Variants in SEZ6 observed in about 807,000 individuals in gnomAD.
SEZ6 encodes seizure related 6 homolog.
In SEZ6, 53 loss-of-function variants were observed where a neutral mutation model predicts 101.0. That is an observed-to-expected ratio of 0.52 (90% CI 0.42 to 0.66). SEZ6 has a LOEUF of 0.66. SEZ6 is among the 30% of genes least tolerant of loss of function. SEZ6 has a pLI of 0.00. For missense variants in SEZ6, 1,102 were observed against 1,289.4 expected, an observed-to-expected ratio of 0.85 and a Z score of 2.23; for synonymous variants, 488 against 512.2, an observed-to-expected ratio of 0.95 and a Z score of 0.64.
At chr17:28,998,802 C>T (rs1038740029) in intron 1 of SEZ6, among the ~76,000 whole-genome samples, 1 of 152,104 alleles carries the variant, frequency 6.6e-6, no homozygotes, top group Admixed American at 6.5e-5. Flanking sequence ...CTTGCTGGGT[C>T]GTCACAGACC....
At chr17:28,968,547 A>G (rs1368206376) in intron 4 of SEZ6, among the ~76,000 whole-genome samples, 1 of 152,202 alleles carries the variant, frequency 6.6e-6, no homozygotes, top group African/African-American at 2.4e-5. Context: ...TGGGCCGCCT[A>G]GACGTTTCAC....
Position 28,969,855 on chromosome 17 carries a change from C to A in SEZ6, c.956G>T (p.Arg319Leu). The change falls in exon 4 of 17, where the codon CGG becomes CTG. Residue 319 changes from arginine to leucine, a missense_variant. Arg to Leu is a moderately radical substitution (Grantham distance 102, BLOSUM62 -2). This residue lies in a region of SEZ6 where 406 missense variants were observed against 418.6 expected (regional missense o/e 0.97). Transcript: ENST00000317338. ...LPLANQSFLL[R>L]GQVIRSPTHQ... The stretch of plus-strand genomic sequence containing the variant: ...GGTGGGGCTGCGGATGACTTGGCCC[C>A]GCAGCAGGAAAGACTGGTTGGCCAG... 1 of 1,534,408 alleles carries A rather than the reference C, an allele frequency of 6.5e-7. No individual in the cohort carries two copies.
intron 4 of SEZ6, among the ~76,000 whole-genome samples, chr17:28,968,129 C>T (rs1366448895): frequency 6.6e-6 from 1 of 152,162 alleles, no homozygotes; most frequent in African/African-American, 2.4e-5. Context: ...GTACTAGGCC[C>T]CTCACCCCCT....
chr17:28,957,087 G>T lies in SEZ6; in HGVS notation c.2650C>A (p.His884Asn), dbSNP rs768340145. ...GQASIKCVPG[H>N]PSHWSDPPPI... ...GGGGGGTCACTCCAATGCGAGGGGT[G>T]CCCAGGCACACACTTGATGCTGGCC... The change falls in exon 13 of 17, where the codon CAC becomes AAC. Residue 884 changes from histidine to asparagine, a missense_variant. Coordinates refer to ENST00000317338, the MANE Select transcript of SEZ6 (RefSeq NM_178860.5). 23 of 1,609,772 alleles carry T rather than the reference G, an allele frequency of 1.4e-5. No individual in the cohort carries two copies. In the South Asian group the frequency reaches 2.3e-4, roughly 16 times the overall value.
At chr17:28,965,225 G>A (rs2041046268) in intron 4 of SEZ6, among the ~76,000 whole-genome samples, 1 of 151,832 alleles carries the variant, frequency 6.6e-6, no homozygotes, top group African/African-American at 2.4e-5. Context: ...GATGGCAGGC[G>A]CCTGTAATCC....
At chr17:28,971,170 C>T (rs566474255) in intron 3 of SEZ6, among the ~76,000 whole-genome samples, 1 of 152,236 alleles carries the variant, frequency 6.6e-6, no homozygotes, top group Non-Finnish European at 1.5e-5. Context: ...ACCATGTGAT[C>T]TTGGACAAAT....
At chr17:28,965,876 C>T (rs945988108) in intron 4 of SEZ6, among the ~76,000 whole-genome samples, 2 of 152,104 alleles carry the variant, frequency 1.3e-5, no homozygotes, top group African/African-American at 4.8e-5. Context: ...CAGTGGCTCA[C>T]GCCTGTAATC....
intron 10 of SEZ6, 36 bp downstream of exon 10, chr17:28,958,989 C>A: frequency 6.3e-7 from 1 of 1,575,726 alleles, no homozygotes; most frequent in South Asian, 1.2e-5. Context: ...CCATGGCTTG[C>A]TGTCTGCACT....
intron 1 of SEZ6, among the ~76,000 whole-genome samples, chr17:28,997,878 C>A (rs2041563170): frequency 6.6e-6 from 1 of 152,172 alleles, no homozygotes; most frequent in African/African-American, 2.4e-5. Context: ...GACCAGCCTT[C>A]TTCCTCTTAT....
At position 28,960,521 on chromosome 17, in the gene SEZ6, C is replaced by T; in HGVS notation, c.1560G>A (p.Met520Ile). The T allele has an allele frequency of 2.5e-6, 4 of 1,593,016 alleles. No individual in the cohort carries two copies. The highest frequency in any genetic ancestry group is 3.4e-6 in the Non-Finnish European group (4 of 1,170,326). The part of the protein sequence containing the change: ...STDSSGAAAG[M>I]ALRYEAFQQG... ...CAGGCTCACCCTCATAGCGCAGGGC[C>T]ATGCCTGCAGCTGCCCCGCTGCTGT... Residue 520 changes from methionine (M) to isoleucine (I), a missense_variant, in exon 7 of 17, where the codon ATG becomes ATA. Met to Ile is a conservative substitution (Grantham distance 10, BLOSUM62 1). Around this residue, in one of 3 missense-constraint regions of SEZ6, gnomAD observed 556 missense variants for 735.1 expected, o/e 0.76. Transcript: ENST00000317338.
intron 3 of SEZ6, among the ~76,000 whole-genome samples, chr17:28,979,024 A>G (rs1005419958): frequency 6.6e-6 from 1 of 152,144 alleles, no homozygotes; most frequent in Admixed American, 6.5e-5. Flanking sequence ...GTTCTGCTCC[A>G]GGTTTCTGAC....
chr17:29,004,072 T>A (rs941972264), intron 1 of SEZ6, among the ~76,000 whole-genome samples: 33 of 152,182 alleles, frequency 2.2e-4, no homozygotes, highest in Admixed American at 2.0e-4. Flanking sequence ...CACACACTAG[T>A]GGCCTCACAC....
chr17:28,963,006 C>T (rs917921653), intron 5 of SEZ6, among the ~76,000 whole-genome samples: 1 of 151,934 alleles, frequency 6.6e-6, no homozygotes, highest in Non-Finnish European at 1.5e-5. Flanking sequence ...CGCCTGTAGT[C>T]CCAGCTACTC....
chr17:28,966,539 G>T (rs991611729), intron 4 of SEZ6, among the ~76,000 whole-genome samples: 3 of 152,136 alleles, frequency 2.0e-5, no homozygotes, highest in African/African-American at 7.2e-5. Flanking sequence ...GGCCTGGAGG[G>T]GTCAAGGAGA....
Position 28,959,775 on chromosome 17 carries a change from A to G in SEZ6, c.1694T>C (p.Leu565Pro). 1 of 1,613,726 alleles carries G rather than the reference A, an allele frequency of 6.2e-7. No homozygotes were observed. The highest frequency in any genetic ancestry group is 8.5e-7 in the Non-Finnish European group (1 of 1,179,756). ...CTCGATGATGATGGAGCCCTGCTCC[A>G]GGGTGTAGCCAGGGTCGCAGCTGAA... ...VEFSCDPGYT[L>P]EQGSIIIECV... The change falls in exon 8 of 17, where the codon CTG (leucine) becomes CCG (proline). Residue 565 changes from leucine (L) to proline (P), a missense_variant. By Grantham distance (98) the Leu-to-Pro change is moderately conservative. Around this residue, in one of 3 missense-constraint regions of SEZ6, gnomAD observed 556 missense variants for 735.1 expected, o/e 0.76. Coordinates refer to ENST00000317338, the MANE Select transcript of SEZ6 (RefSeq NM_178860.5). The surrounding 1 kb of genome is among the most constrained non-coding windows in gnomAD (Gnocchi z 4.4).
chr17:28,964,784 C>T (rs914149073), intron 4 of SEZ6, among the ~76,000 whole-genome samples: 9 of 152,180 alleles, frequency 5.9e-5, no homozygotes, highest in African/African-American at 1.2e-4. Context: ...GTGGCCGGGC[C>T]GGTGTCTCAT....
chr17:28,977,898 G>A (rs1410985964), intron 3 of SEZ6, among the ~76,000 whole-genome samples: 1 of 152,206 alleles, frequency 6.6e-6, no homozygotes, highest in Non-Finnish European at 1.5e-5. Context: ...CTAATGGCTT[G>A]AGGCGGGGTG....
At chr17:28,964,632 G>T (rs2041034875) in intron 4 of SEZ6, among the ~76,000 whole-genome samples, 1 of 152,218 alleles carries the variant, frequency 6.6e-6, no homozygotes, top group African/African-American at 2.4e-5. Context: ...GTAAAGTGTT[G>T]ATACTGTTTT....
At chr17:28,960,693 T>C in intron 6 of SEZ6, 22 bp from the exon 7 acceptor site, 1 of 1,611,480 alleles carries the variant, frequency 6.2e-7, no homozygotes, top group South Asian at 1.1e-5. Flanking sequence ...GAGTGGCAGC[T>C]ATGTAGGCTG....
Sources: gnomAD v4.1 joint callset for allele counts (sites outside exome capture counted in the v4.1 genomes callset) on GRCh38, gnomAD v4.1.1 for gene constraint, gnomAD v4.1.1 regional missense constraint, Gnocchi (gnomAD v3.1) non-coding constraint, MANE v1.5 for transcripts, NCBI Gene and HGNC (gene_info 2026-07-23, HGNC 2026-07-21) for gene names.